The following UCHL3 variants were observed in gnomAD, a reference collection of about 807,000 sequenced individuals.
The protein encoded by UCHL3 is ubiquitin carboxyl-terminal hydrolase isozyme L3.
UCHL3 carries 22 observed loss-of-function variants against 35.8 expected under a neutral mutation model. The ratio of observed to expected loss-of-function variants is 0.61; its 90% CI spans 0.44 to 0.88. UCHL3 has a LOEUF of 0.88. Ranked by LOEUF, UCHL3 falls within the 40% of genes least tolerant of loss-of-function variation. The probability of loss-of-function intolerance (pLI) is 0.00; values close to 1 mark genes in which losing one functional copy is unlikely to be tolerated. For missense variants in UCHL3, 229 were observed against 276.9 expected, an observed-to-expected ratio of 0.83 and a Z score of 1.23; for synonymous variants, 90 against 92.8, an observed-to-expected ratio of 0.97 and a Z score of 0.17.
At chr13:75,550,078 G>A (rs2031026876) in intron 2 of UCHL3, 91 bp downstream of exon 2, 1 of 1,590,646 alleles carries the variant, frequency 6.3e-7, no homozygotes, top group Admixed American at 1.7e-5. Context: ...CGCTTCCAGG[G>A]ATTCTGGGAT....
chr13:75,601,668 AT>A (rs2032784508), intron 7 of UCHL3, among the ~76,000 whole-genome samples: 1 of 152,234 alleles, frequency 6.6e-6, no homozygotes, highest in African/African-American at 2.4e-5. Context: ...AAACAAAAAA[AT>A]TTGTGACTCA....
chr13:75,591,810 G>T (rs2032484236), intron 6 of UCHL3, among the ~76,000 whole-genome samples: 1 of 152,098 alleles, frequency 6.6e-6, no homozygotes, highest in Non-Finnish European at 1.5e-5. Context: ...TATACAGGTT[G>T]AGTATCTCTT....
chr13:75,557,155 C>T (rs553658087), intron 2 of UCHL3, among the ~76,000 whole-genome samples: 4 of 151,728 alleles, frequency 2.6e-5, no homozygotes, highest in Non-Finnish European at 5.9e-5. Flanking sequence ...TTAGAGGTTG[C>T]AGTGAGCTGT....
intron 6 of UCHL3, among the ~76,000 whole-genome samples, chr13:75,585,570 A>G (rs1449877258): frequency 6.6e-6 from 1 of 152,170 alleles, no homozygotes; most frequent in African/African-American, 2.4e-5. Context: ...GGAGCTATAC[A>G]AAGATTTAGG....
At chr13:75,593,801 A>G (rs2032573640) in intron 6 of UCHL3, among the ~76,000 whole-genome samples, 1 of 152,206 alleles carries the variant, frequency 6.6e-6, no homozygotes, top group Non-Finnish European at 1.5e-5. Flanking sequence ...TGTATATCCA[A>G]GATAGTAATG....
At chr13:75,602,996 T>C (rs555486184) in intron 7 of UCHL3, among the ~76,000 whole-genome samples, 45 of 151,778 alleles carry the variant, frequency 3.0e-4, no homozygotes, top group African/African-American at 1.0e-3. Flanking sequence ...ATGTTATTAT[T>C]TTATTTTTTT....
chr13:75,595,901 CA>C (rs1593764315), intron 7 of UCHL3, among the ~76,000 whole-genome samples: 2 of 151,730 alleles, frequency 1.3e-5, no homozygotes, highest in East Asian at 3.9e-4. Context: ...AATTGGTATA[CA>C]ATACTTATTA....
chr13:75,598,774 A>G (rs925261383), intron 7 of UCHL3, among the ~76,000 whole-genome samples: 1 of 152,202 alleles, frequency 6.6e-6, no homozygotes, highest in African/African-American at 2.4e-5. Flanking sequence ...GTTAAGAAGT[A>G]TGTCATGCAG....
chr13:75,562,864 ATACTT>A lies in UCHL3; in HGVS notation c.183+1989_183+1993del, dbSNP rs1194130036. ...TAAGTAAATATATAAGTAAGCATAA[ATACTT>A]TACTTATATAACTATAATAACATGT... On this transcript the variant is annotated intron_variant, in intron 3 of 8. Coordinates refer to ENST00000377595, the MANE Select transcript of UCHL3 (RefSeq NM_006002.5). Among the ~76,000 whole-genome samples, 5 of 152,222 alleles carry A rather than the reference ATACTT, an allele frequency of 3.3e-5. No individual in the cohort carries two copies. The East Asian group carries it at 7.7e-4, about 23-fold the overall frequency.
rs1566214619 is a variant in UCHL3, at chr13:75,567,368, G to C, written c.426+56G>C. 4.0e-6 allele frequency: 6 copies of C among 1,489,054 alleles called. No individual in the cohort carries two copies. The African/African-American group carries it at 4.2e-5, about 10-fold the overall frequency. The allele number at this position is 1,489,054 out of a possible 1,614,324, so 92.2% of individuals were successfully genotyped here. A position where few individuals can be genotyped will look rare whatever the true frequency, so the allele number is the denominator to read the frequency against. On this transcript the variant is annotated intron_variant, in intron 5 of 8. Transcript: ENST00000377595. ...GTGGGCAAAAGTTTGTGGGATTGTA[G>C]ATGTGTTTGGGGGTTTTGTCTTGAA...
At chr13:75,582,990 A>C (rs76873344) in intron 6 of UCHL3, among the ~76,000 whole-genome samples, 3,901 of 152,290 alleles carry the variant, frequency 0.026, 61 homozygotes, top group African/African-American at 0.029. Context: ...TTATGTCTAT[A>C]TTATGCATTA....
chr13:75,580,427 C>G (rs1232824795), intron 6 of UCHL3, among the ~76,000 whole-genome samples: 1 of 152,198 alleles, frequency 6.6e-6, no homozygotes, highest in African/African-American at 2.4e-5. Context: ...TGCGCACACA[C>G]ATGTCCTTAC....
intron 5 of UCHL3, among the ~76,000 whole-genome samples, chr13:75,568,245 A>G (rs751108156): frequency 2.6e-5 from 4 of 152,168 alleles, no homozygotes; most frequent in Non-Finnish European, 4.4e-5. Context: ...CGTATAATCT[A>G]CAAATTATTT....
At chr13:75,589,066 C>T (rs1170514360) in intron 6 of UCHL3, among the ~76,000 whole-genome samples, 1 of 152,158 alleles carries the variant, frequency 6.6e-6, no homozygotes, top group Admixed American at 6.6e-5. Flanking sequence ...CAGTATGTGT[C>T]CCATGTTAGC....
At position 75,559,078 on chromosome 13, in the gene UCHL3, A is replaced by C. The variant is rs547534721; in HGVS notation, c.55-1675A>C. ...TTTTTGAGACGGAGTCTGGCTCTGTAGCCCAGGCTGGAGTGCAGTGGCGCA... is the reference window on the plus strand; with the variant it reads ...TTTTTGAGACGGAGTCTGGCTCTGTCGCCCAGGCTGGAGTGCAGTGGCGCA... On this transcript the variant is annotated intron_variant, in intron 2 of 8. Coordinates refer to ENST00000377595, the MANE Select transcript of UCHL3 (RefSeq NM_006002.5). Among the ~76,000 whole-genome samples the C allele has an allele frequency of 7.2e-5, 8 of 110,496 alleles. No homozygotes were observed. The South Asian group carries it at 2.5e-3, about 34-fold the overall frequency. 72.5% of individuals were successfully genotyped at this position (110,496 alleles called of 152,430 possible).
chr13:75,565,362 A>G (rs1289427251), intron 3 of UCHL3, among the ~76,000 whole-genome samples: 5 of 152,238 alleles, frequency 3.3e-5, no homozygotes, highest in African/African-American at 1.2e-4. Flanking sequence ...AGTGTTACTT[A>G]AAATGTAATT....
At chr13:75,592,610 AT>A (rs1273782962) in intron 6 of UCHL3, among the ~76,000 whole-genome samples, 1 of 150,230 alleles carries the variant, frequency 6.7e-6, no homozygotes, top group Non-Finnish European at 1.5e-5. Context: ...CTTTTAAGCA[AT>A]TAAATAATTA....
chr13:75,596,831 C>T (rs2032657850), intron 7 of UCHL3, among the ~76,000 whole-genome samples: 1 of 149,302 alleles, frequency 6.7e-6, no homozygotes, highest in Non-Finnish European at 1.5e-5. Flanking sequence ...AAGAATGATG[C>T]TCTTTTGGAG....
chr13:75,600,589 G>A (rs2032757100), intron 7 of UCHL3, among the ~76,000 whole-genome samples: 1 of 152,198 alleles, frequency 6.6e-6, no homozygotes, highest in Non-Finnish European at 1.5e-5. Flanking sequence ...CTGGATTACT[G>A]AATCTCTTAA....
Sources: allele counts gnomAD v4.1 joint callset (sites outside exome capture counted in the v4.1 genomes callset), GRCh38; gene constraint gnomAD v4.1.1; transcripts MANE v1.5; gene names NCBI Gene and HGNC (gene_info 2026-07-23, HGNC 2026-07-21).